CFAP77: variants seen among roughly 807,000 people sequenced by gnomAD.
CFAP77 encodes the protein cilia- and flagella-associated protein 77.
In CFAP77, 25 loss-of-function variants were observed where a neutral mutation model predicts 31.1. The ratio of observed to expected loss-of-function variants is 0.80; its 90% CI spans 0.59 to 1.12. The LOEUF is 1.12. Ranked by LOEUF, CFAP77 falls within the 50% of genes most tolerant of loss-of-function variation. The probability of loss-of-function intolerance (pLI) is 0.00; values close to 1 mark genes in which losing one functional copy is unlikely to be tolerated. For synonymous variants in CFAP77, 151 were observed against 159.9 expected (o/e 0.94, Z 0.42); for missense variants, 377 against 397.3 (o/e 0.95, Z 0.44).
chr9:132,427,362 G>T (rs2131686512), intron 1 of CFAP77, among the ~76,000 whole-genome samples: 1 of 152,134 alleles, frequency 6.6e-6, no homozygotes, highest in Non-Finnish European at 1.5e-5. Context: ...CCCATCCTAT[G>T]TCCCACCCAC....
At chr9:132,484,746 G>A (rs556464735) in intron 1 of CFAP77, among the ~76,000 whole-genome samples, 36 of 151,924 alleles carry the variant, frequency 2.4e-4, no homozygotes, top group African/African-American at 8.7e-4. Context: ...ATTTTTGTGG[G>A]TACATAGTAG....
At chr9:132,420,786 T>C (rs1850201098) in intron 1 of CFAP77, among the ~76,000 whole-genome samples, 2 of 152,172 alleles carry the variant, frequency 1.3e-5, no homozygotes, top group African/African-American at 4.8e-5. Flanking sequence ...GCACCAAGGA[T>C]ACAGGGGTAA....
At chr9:132,486,090 A>ATATATTT (rs1281539306) in intron 1 of CFAP77, among the ~76,000 whole-genome samples, 2 of 15,356 alleles carry the variant, frequency 1.3e-4, no homozygotes, top group African/African-American at 8.6e-4. Context: ...ATATATATAT[A>ATATATTT]TTTTTTTTTT....
intron 5 of CFAP77, among the ~76,000 whole-genome samples, chr9:132,550,247 T>G (rs1852802731): frequency 1.3e-5 from 2 of 152,250 alleles, no homozygotes; most frequent in Non-Finnish European, 2.9e-5. Context: ...TCCCTGATTA[T>G]ATGCAAAAAT....
chr9:132,510,088 G>C (rs1330190972), intron 3 of CFAP77, among the ~76,000 whole-genome samples: 2 of 152,186 alleles, frequency 1.3e-5, no homozygotes, highest in Non-Finnish European at 2.9e-5. Flanking sequence ...GGAGGGCTCA[G>C]GGAGGCACTG....
At chr9:132,563,689 C>T (rs1006029191) in intron 5 of CFAP77, among the ~76,000 whole-genome samples, 2 of 152,198 alleles carry the variant, frequency 1.3e-5, no homozygotes, top group African/African-American at 2.4e-5. Flanking sequence ...GCCAGCCTTT[C>T]TGGCTATGCC....
chr9:132,504,004 A>T (rs1851894843), intron 3 of CFAP77, among the ~76,000 whole-genome samples: 1 of 152,210 alleles, frequency 6.6e-6, no homozygotes, highest in South Asian at 2.1e-4. Flanking sequence ...GCACCACTGC[A>T]CTGCAGTCTG....
intron 1 of CFAP77, among the ~76,000 whole-genome samples, chr9:132,438,545 T>A (rs868237006): frequency 0.092 from 10,590 of 114,820 alleles, 562 homozygotes; most frequent in East Asian, 0.25. Flanking sequence ...ATATATATTT[T>A]TTTTTTTTTT....
chr9:132,446,469 G>C (rs1205232614), intron 1 of CFAP77, among the ~76,000 whole-genome samples: 2 of 152,110 alleles, frequency 1.3e-5, no homozygotes, highest in Non-Finnish European at 2.9e-5. Context: ...GGTCGGGCGT[G>C]GTGGCTCACG....
At chr9:132,475,481 C>T (rs561617564) in intron 1 of CFAP77, among the ~76,000 whole-genome samples, 1 of 152,288 alleles carries the variant, frequency 6.6e-6, no homozygotes, top group East Asian at 1.9e-4. Flanking sequence ...ATGCAGAGCC[C>T]ACTTTGGGAC....
At chr9:132,506,272 C>T (rs545018045) in intron 3 of CFAP77, among the ~76,000 whole-genome samples, 14 of 152,356 alleles carry the variant, frequency 9.2e-5, no homozygotes, top group African/African-American at 3.1e-4. Context: ...AGCATGCTGC[C>T]ACCCAAGGTC....
At position 132,424,223 on chromosome 9, in the gene CFAP77, C is replaced by A. The variant is rs1467475357; in HGVS notation, c.195+13757C>A. Among the ~76,000 whole-genome samples the A allele has an allele frequency of 1.3e-5, 2 of 152,214 alleles. No homozygotes were observed. Among genetic ancestry groups the A allele is most frequent in the South Asian group, 2.1e-4 (1 of 4,824 alleles). On this transcript the variant is annotated intron_variant, in intron 1 of 5. Transcript: ENST00000393216. This position sits in a 1 kb window ranked among gnomAD's most constrained non-coding sequence, Gnocchi z 4.1. ...GAGATGGAGACCATCCTGGCTAACA[C>A]GGTGAAATCTGTCTCCTAAAATTAC...
intron 1 of CFAP77, among the ~76,000 whole-genome samples, chr9:132,447,417 A>T (rs1850744731): frequency 6.6e-6 from 1 of 152,340 alleles, no homozygotes; most frequent in East Asian, 1.9e-4. Context: ...TTTGAAGCCT[A>T]GCAGGTAATC....
intron 3 of CFAP77, among the ~76,000 whole-genome samples, chr9:132,519,574 AGATGGATGGATGGATG>A (rs1226920030): frequency 1.2e-4 from 5 of 41,832 alleles, no homozygotes; most frequent in African/African-American, 3.0e-4. Context: ...ATGGATGGAT[AGATGGATGGATGGATG>A]GATGGATGGA....
rs530375995 is a variant in CFAP77, at chr9:132,513,189, A to G, written c.524+13589A>G. On this transcript the variant is annotated intron_variant, in intron 3 of 5. Coordinates refer to ENST00000393216, the MANE Select transcript of CFAP77 (RefSeq NM_001282957.2). ...ACTCTTAGTTATTTTTAAATGTGCA[A>G]TTAAGTTATTATTGACTCTAGTCAA... 99 of 1,443,728 alleles carry G rather than the reference A, an allele frequency of 6.9e-5. No homozygotes were observed. The Middle Eastern group carries it at 1.2e-3, about 18-fold the overall frequency. The allele number at this position is 1,443,728 out of a possible 1,614,324, so 89.4% of individuals were successfully genotyped here.
chr9:132,529,993 G>C (rs537604510), intron 3 of CFAP77, among the ~76,000 whole-genome samples: 1 of 152,182 alleles, frequency 6.6e-6, no homozygotes, highest in East Asian at 1.9e-4. Context: ...ACTAATGGGG[G>C]CATAGTGATA....
In CFAP77 at chr9:132,501,865, T is replaced by C. The variant is rs117452013; in HGVS notation, c.524+2265T>C. 7.3e-3 allele frequency among the ~76,000 whole-genome samples: 1,106 copies of C among 152,304 alleles called. 13 individuals are homozygous for C. Among genetic ancestry groups the C allele is most frequent in the East Asian group, 0.043 (221 of 5,186 alleles). On this transcript the variant is annotated intron_variant, in intron 3 of 5. Transcript: ENST00000393216. This position sits in a 1 kb window ranked among gnomAD's most constrained non-coding sequence, Gnocchi z 4.6. ...TGGAGTCAGGGGTGAAATCAGTCCC[T>C]GCAATCTACGTGGGCCGATGGTGGA...
chr9:132,487,454 C>T (rs1419318724), intron 1 of CFAP77, among the ~76,000 whole-genome samples: 2 of 150,128 alleles, frequency 1.3e-5, no homozygotes, highest in East Asian at 3.8e-4. Flanking sequence ...TATAACTTAA[C>T]TCTATTGTGT....
chr9:132,533,994 C>A (rs1256549495), intron 3 of CFAP77, among the ~76,000 whole-genome samples: 1 of 152,166 alleles, frequency 6.6e-6, no homozygotes, highest in Non-Finnish European at 1.5e-5. Context: ...GTAGGCAGTC[C>A]AGCATCCCTC....
Sources: allele counts gnomAD v4.1 joint callset (sites outside exome capture counted in the v4.1 genomes callset), GRCh38; gene constraint gnomAD v4.1.1; non-coding constraint Gnocchi (gnomAD v3.1); transcripts MANE v1.5; gene names NCBI Gene and HGNC (gene_info 2026-07-23, HGNC 2026-07-21).